Variants in RCL1 observed in about 807,000 individuals in gnomAD.
The protein encoded by RCL1 is RNA terminal phosphate cyclase like 1.
A neutral mutation model predicts 42.4 loss-of-function variants in RCL1; 24 were observed. The observed-to-expected ratio is 0.57, with a 90% CI of 0.41 to 0.80. RCL1 has a LOEUF of 0.80. RCL1 is among the 30% of genes least tolerant of loss of function. The pLI, the probability that RCL1 is intolerant of heterozygous loss-of-function variation, is 0.00. For synonymous variants in RCL1, 228 were observed against 177.3 expected, an observed-to-expected ratio of 1.29 and a Z score of -2.27; for missense variants, 578 against 467.9, an observed-to-expected ratio of 1.24 and a Z score of -2.17.
intron 1 of RCL1, among the ~76,000 whole-genome samples, chr9:4,812,382 CCTTT>C (rs1816211354): frequency 6.6e-6 from 1 of 151,506 alleles, no homozygotes; most frequent in Admixed American, 6.6e-5. Flanking sequence ...GCATCTAGTT[CCTTT>C]CTTCTGCATA....
At chr9:4,809,495 A>G (rs1563832063) in intron 1 of RCL1, among the ~76,000 whole-genome samples, 1 of 152,044 alleles carries the variant, frequency 6.6e-6, no homozygotes, top group Non-Finnish European at 1.5e-5. Context: ...GTTTTAGTAG[A>G]GACGGGATTT....
chr9:4,844,844 T>C (rs903897118), intron 7 of RCL1, among the ~76,000 whole-genome samples, 163 bp downstream of exon 7: 6 of 152,156 alleles, frequency 3.9e-5, no homozygotes. Context: ...ATTGATTAGC[T>C]CAACCAGTCA....
intron 1 of RCL1, among the ~76,000 whole-genome samples, chr9:4,809,079 C>G (rs1816077299): frequency 6.6e-6 from 1 of 151,784 alleles, no homozygotes; most frequent in African/African-American, 2.4e-5. Flanking sequence ...TATCATTATT[C>G]CATTGCAGTA....
chr9:4,824,967 A>C (rs76121302), intron 2 of RCL1, among the ~76,000 whole-genome samples: 7,875 of 152,158 alleles, frequency 0.052, 339 homozygotes, highest in African/African-American at 0.12. Flanking sequence ...GCTGGAGTGC[A>C]GTGGTGCGAT....
chr9:4,832,805 C>CA (rs34915834), intron 3 of RCL1, among the ~76,000 whole-genome samples: 18,208 of 39,056 alleles, frequency 0.47, 4,597 homozygotes, highest in East Asian at 0.72. Flanking sequence ...AGATTCCACT[C>CA]AAAAAAAAAA....
intron 3 of RCL1, among the ~76,000 whole-genome samples, chr9:4,832,420 C>T (rs867696395): frequency 4.6e-5 from 7 of 152,122 alleles, no homozygotes; most frequent in Admixed American, 1.3e-4. Context: ...TGCTTTGACT[C>T]GGAATGCTAC....
chr9:4,860,393 C>T lies in RCL1; in HGVS notation c.*118C>T. 1.9e-6 allele frequency: 2 copies of T among 1,078,024 alleles called. No homozygotes were observed. The highest frequency in any genetic ancestry group is 2.6e-6 in the Non-Finnish European group (2 of 767,502). The allele number at this position is 1,078,024 out of a possible 1,614,324, so 66.8% of individuals were successfully genotyped here. ...ACAGAATAGCCACTTGCTTAATTTTCTGTGAAGAAATATCAATATACAAAT... is the reference window on the plus strand; with the variant it reads ...ACAGAATAGCCACTTGCTTAATTTTTTGTGAAGAAATATCAATATACAAAT... On this transcript the variant is annotated 3_prime_UTR_variant, in exon 9 of 9. Coordinates refer to ENST00000381750, the MANE Select transcript of RCL1 (RefSeq NM_005772.5).
At chr9:4,803,414 C>T (rs1016739101) in intron 1 of RCL1, among the ~76,000 whole-genome samples, 1 of 152,096 alleles carries the variant, frequency 6.6e-6, no homozygotes, top group Non-Finnish European at 1.5e-5. Flanking sequence ...ATGCTTATAT[C>T]GTATTAAAAC....
Position 4,834,183 on chromosome 9 carries a change from G to C in RCL1, c.502G>C (p.Val168Leu). Residue 168 changes from valine to leucine, a missense_variant, in exon 5 of 9, where the codon GTT (valine) becomes CTT (leucine). Val to Leu is a conservative substitution (Grantham distance 32). Coordinates refer to ENST00000381750, the MANE Select transcript of RCL1 (RefSeq NM_005772.5). Reference protein sequence around the residue: ...GMPPGGGGEVVFSCPVRKVLK... With the variant: ...GMPPGGGGEVLFSCPVRKVLK... ...GCCTCCCGGAGGAGGAGGCGAAGTG[G>C]TTTTCTCATGTCCTGTGAGGAAGGT... The C allele has an allele frequency of 6.2e-7, 1 of 1,613,732 alleles. No individual in the cohort carries two copies.
intron 1 of RCL1, among the ~76,000 whole-genome samples, chr9:4,805,400 A>AGAAGGGGAAGGGGAAGGG (rs55663136): frequency 1.3e-5 from 2 of 150,130 alleles, no homozygotes; most frequent in African/African-American, 2.5e-5. Flanking sequence ...AAGAAGAAGG[A>AGAAGGGGAAGGGGAAGGG]GAAGGGGAAG....
chr9:4,855,617 T>C (rs1817931686), intron 8 of RCL1, among the ~76,000 whole-genome samples: 1 of 152,204 alleles, frequency 6.6e-6, no homozygotes, highest in Non-Finnish European at 1.5e-5. Context: ...GGCTGTTTGC[T>C]GGGATTTAAT....
At chr9:4,796,201 C>T (rs1205624934) in intron 1 of RCL1, among the ~76,000 whole-genome samples, 4 of 152,124 alleles carry the variant, frequency 2.6e-5, no homozygotes, top group Admixed American at 2.6e-4. Flanking sequence ...TAGTGAACAT[C>T]GTACCCAATA....
intron 5 of RCL1, chr9:4,839,985 G>A (rs1386113032): frequency 6.5e-6 from 5 of 769,538 alleles, no homozygotes; most frequent in African/African-American, 3.8e-5. Context: ...TTGGATGGGT[G>A]GAAGGAGTTG....
chr9:4,823,070 T>G (rs1182971995), intron 1 of RCL1, among the ~76,000 whole-genome samples: 5 of 152,158 alleles, frequency 3.3e-5, no homozygotes, highest in Non-Finnish European at 7.3e-5. Flanking sequence ...GCAGAGATAG[T>G]GATCTCTTAC....
chr9:4,811,371 T>C (rs886632991), intron 1 of RCL1, among the ~76,000 whole-genome samples: 4 of 152,182 alleles, frequency 2.6e-5, no homozygotes, highest in African/African-American at 9.6e-5. Context: ...AACTTATTTC[T>C]CTTATCTACC....
intron 1 of RCL1, among the ~76,000 whole-genome samples, chr9:4,800,223 A>T (rs7045015): frequency 0.025 from 3,623 of 144,756 alleles, 69 homozygotes; most frequent in Non-Finnish European, 0.039. Context: ...TTTTTTTTTT[A>T]TTTTTATTTT....
At chr9:4,853,291 C>T (rs970538650) in intron 8 of RCL1, among the ~76,000 whole-genome samples, 4 of 151,616 alleles carry the variant, frequency 2.6e-5, no homozygotes, top group African/African-American at 9.7e-5. Flanking sequence ...TGGACAGTCT[C>T]CTCCAGTCAC....
At chr9:4,795,098 G>A (rs145125568) in intron 1 of RCL1, among the ~76,000 whole-genome samples, 1 of 150,724 alleles carries the variant, frequency 6.6e-6, no homozygotes, top group African/African-American at 2.4e-5. Flanking sequence ...TTTTTTTTGA[G>A]ACAGAGTCTT....
At chr9:4,817,562 C>G (rs1165512383) in intron 1 of RCL1, among the ~76,000 whole-genome samples, 1 of 151,758 alleles carries the variant, frequency 6.6e-6, no homozygotes, top group Non-Finnish European at 1.5e-5. Context: ...CAGCCTCAAC[C>G]TCTTGGGCTC....
Sources: allele counts gnomAD v4.1 joint callset (sites outside exome capture counted in the v4.1 genomes callset), GRCh38; gene constraint gnomAD v4.1.1; transcripts MANE v1.5; gene names NCBI Gene and HGNC (gene_info 2026-07-23, HGNC 2026-07-21).